Variants in DNAH6 observed in about 807,000 individuals in gnomAD.
DNAH6 encodes axonemal beta dynein heavy chain 6.
A neutral mutation model predicts 491.4 loss-of-function variants in DNAH6; 340 were observed. The ratio of observed to expected loss-of-function variants is 0.69; its 90% CI spans 0.63 to 0.76. DNAH6 has a LOEUF of 0.76. Ranked by LOEUF, DNAH6 falls within the 30% of genes least tolerant of loss-of-function variation. DNAH6 has a pLI of 0.00. For synonymous variants in DNAH6, 1,603 were observed against 1,686.1 expected (o/e 0.95, Z 1.21); for missense variants, 4,443 against 4,972.2 (o/e 0.89, Z 3.20).
chr2:84,515,770 G>A (rs1023009627), upstream of DNAH6, among the ~76,000 whole-genome samples: 7 of 152,152 alleles, frequency 4.6e-5, no homozygotes, highest in African/African-American at 1.7e-4. Context: ...CCTGGCCTTC[G>A]ATGGGGTCGC....
chr2:84,548,259 CTTGTTG>C, intron 7 of DNAH6, 23 bp from the exon 8 acceptor site: 1 of 1,588,818 alleles, frequency 6.3e-7, no homozygotes, highest in Non-Finnish European at 8.6e-7. Context: ...CACAAGTACA[CTTGTTG>C]TTGTTCCTTC....
Position 84,619,842 on chromosome 2 carries a change from G to A in DNAH6, c.3730G>A (p.Gly1244Arg). 6 of 1,551,404 alleles carry A rather than the reference G, an allele frequency of 3.9e-6. No individual in the cohort carries two copies. The highest frequency in any genetic ancestry group is 5.2e-6 in the Non-Finnish European group (6 of 1,146,826). The change falls in exon 24 of 77, where the codon GGA becomes AGA. Residue 1244 changes from glycine to arginine, a missense_variant. By Grantham distance (125) the Gly-to-Arg change is moderately radical. Transcript: ENST00000389394. ...CGAAGGAAAGATTCCTGGTATTGAT[G>A]GAGAACCAGAAAAGGTTTATACTAA... is the stretch of plus-strand genomic sequence containing the variant. The part of the protein sequence containing the change: ...PAEGKIPGID[G>R]EPEKVYTNDI...
rs184128224 is a variant in DNAH6 at position 84,554,681 on chromosome 2, G to A, written c.1602+1647G>A. On this transcript the variant is annotated intron_variant, in intron 10 of 76. Transcript: ENST00000389394. ...CTGTAATTTATGGGATAGGCAATTT[G>A]AAGGCATTTACAATGACAAGCAGAC... Among the ~76,000 whole-genome samples, 100 of 152,346 alleles carry A rather than the reference G, an allele frequency of 6.6e-4. 1 individual carries two copies. The highest frequency in any genetic ancestry group is 2.3e-3 in the African/African-American group (94 of 41,588).
At chr2:84,673,061 G>A (rs1692890830) in intron 40 of DNAH6, among the ~76,000 whole-genome samples, 1 of 152,150 alleles carries the variant, frequency 6.6e-6, no homozygotes, top group Admixed American at 6.5e-5. Context: ...TGGTGAGAGG[G>A]GAGAGACAGG....
chr2:84,560,565 C>T (rs1430673710), intron 11 of DNAH6, among the ~76,000 whole-genome samples: 9 of 151,074 alleles, frequency 6.0e-5, no homozygotes, highest in South Asian at 2.1e-4. Context: ...CCCATTAACT[C>T]GTCATTTAGC....
At chr2:84,465,789 A>G in the DNAH6 span, among the ~76,000 whole-genome samples, 2 of 152,224 alleles carry the variant, frequency 1.3e-5, no homozygotes, top group Non-Finnish European at 2.9e-5. Flanking sequence ...TTTCACAGGA[A>G]TAAGCAGGGT....
chr2:84,472,524 G>GT, the DNAH6 span, among the ~76,000 whole-genome samples: 36 of 152,158 alleles, frequency 2.4e-4, no homozygotes, highest in East Asian at 6.6e-3. Flanking sequence ...AAGAATATGT[G>GT]TTACATCCAT....
At chr2:84,484,823 A>G in the DNAH6 span, among the ~76,000 whole-genome samples, 1 of 152,198 alleles carries the variant, frequency 6.6e-6, no homozygotes, top group Non-Finnish European at 1.5e-5. Flanking sequence ...GAGAATGTGG[A>G]TATCTTTGGG....
chr2:84,594,635 A>G (rs1308660440), intron 17 of DNAH6, among the ~76,000 whole-genome samples: 2 of 152,204 alleles, frequency 1.3e-5, no homozygotes, highest in African/African-American at 4.8e-5. Flanking sequence ...ACTCTCTACA[A>G]GGCAAAATAG....
At chr2:84,568,221 G>A (rs921454307) in intron 11 of DNAH6, among the ~76,000 whole-genome samples, 5 of 152,058 alleles carry the variant, frequency 3.3e-5, no homozygotes, top group Non-Finnish European at 7.4e-5. Flanking sequence ...TCTCATTACC[G>A]GGTATATACC....
At chr2:84,775,631 T>A (rs1676047328) in intron 64 of DNAH6, among the ~76,000 whole-genome samples, 1 of 152,122 alleles carries the variant, frequency 6.6e-6, no homozygotes, top group Admixed American at 6.5e-5. Context: ...CTGTGAATCT[T>A]TCTGGTCCAG....
intron 35 of DNAH6, among the ~76,000 whole-genome samples, chr2:84,657,134 T>A (rs911493368): frequency 1.3e-5 from 2 of 152,080 alleles, no homozygotes; most frequent in African/African-American, 4.8e-5. Flanking sequence ...AAAAATCAAT[T>A]GACTGTACTT....
intron 12 of DNAH6, 138 bp from the exon 13 acceptor site, chr2:84,577,119 A>T: frequency 2.1e-6 from 1 of 467,874 alleles, no homozygotes; most frequent in Non-Finnish European, 3.5e-6. Context: ...AAGTTACATG[A>T]GATACTCTAA....
chr2:84,530,477 G>T (rs1230898520), intron 4 of DNAH6, among the ~76,000 whole-genome samples: 1 of 152,154 alleles, frequency 6.6e-6, no homozygotes, highest in Non-Finnish European at 1.5e-5. Flanking sequence ...AGGCTGGTGT[G>T]ACTACAGTAG....
At chr2:84,741,625 T>C (rs1672534311) in intron 62 of DNAH6, among the ~76,000 whole-genome samples, 1 of 152,158 alleles carries the variant, frequency 6.6e-6, no homozygotes, top group Non-Finnish European at 1.5e-5. Context: ...CAACAGCAGC[T>C]CATAGCAGGG....
At chr2:84,716,872 T>C (rs892122814) in intron 58 of DNAH6, among the ~76,000 whole-genome samples, 2 of 152,208 alleles carry the variant, frequency 1.3e-5, no homozygotes, top group Non-Finnish European at 2.9e-5. Context: ...AGGGTGAGGA[T>C]GGAGCTGGGT....
intron 2 of DNAH6, among the ~76,000 whole-genome samples, chr2:84,523,142 G>T (rs1676303276): frequency 6.6e-6 from 1 of 152,042 alleles, no homozygotes; most frequent in African/African-American, 2.4e-5. Flanking sequence ...CTCATTATTG[G>T]TCTGTTCAGA....
At chr2:84,794,358 A>T (rs1352043975) in intron 68 of DNAH6, among the ~76,000 whole-genome samples, 2 of 151,754 alleles carry the variant, frequency 1.3e-5, no homozygotes, top group African/African-American at 4.8e-5. Flanking sequence ...GCTTCTGCAC[A>T]GCAAAAGAAA....
At position 84,686,779 on chromosome 2, in the gene DNAH6, T is replaced by C. The variant is rs187410010; in HGVS notation, c.7137+222T>C. On this transcript the variant is annotated intron_variant, in intron 44 of 76. Transcript: ENST00000389394. ...CAGCCATTTATGTATATGATTTTTATATGGTTGCTTTTGCTCTACAACAGC... is the reference window on the plus strand; with the variant it reads ...CAGCCATTTATGTATATGATTTTTACATGGTTGCTTTTGCTCTACAACAGC... Among the ~76,000 whole-genome samples the C allele has an allele frequency of 2.0e-3, 299 of 152,366 alleles. 2 individuals are homozygous for C. Among genetic ancestry groups the C allele is most frequent in the Non-Finnish European group, 3.0e-3 (207 of 68,036 alleles).
Sources: allele counts gnomAD v4.1 joint callset (sites outside exome capture counted in the v4.1 genomes callset), GRCh38; gene constraint gnomAD v4.1.1; transcripts MANE v1.5; gene names NCBI Gene and HGNC (gene_info 2026-07-23, HGNC 2026-07-21).